The following FAM184B variants were observed in gnomAD, a reference collection of about 807,000 sequenced individuals.
FAM184B encodes protein FAM184B.
Under a neutral mutation model 135.9 loss-of-function variants are expected in FAM184B, and 111 were observed. That is an observed-to-expected ratio of 0.82 (90% CI 0.70 to 0.96). The LOEUF (loss-of-function observed/expected upper bound fraction) is 0.96, where lower values mean the gene tolerates loss of function less well. FAM184B is among the 40% of genes least tolerant of loss of function. The pLI is 0.00. For synonymous variants in FAM184B, 552 were observed against 524.8 expected (o/e 1.05, Z -0.71); for missense variants, 1,375 against 1,323.9 (o/e 1.04, Z -0.60).
At chr4:17,744,446 C>T (rs1056502094) in intron 1 of FAM184B, among the ~76,000 whole-genome samples, 1 of 148,142 alleles carries the variant, frequency 6.8e-6, no homozygotes, top group African/African-American at 2.5e-5. Flanking sequence ...ATGAGTCACT[C>T]ATTCTCTCTC....
intron 1 of FAM184B, among the ~76,000 whole-genome samples, chr4:17,720,202 C>T (rs948013241): frequency 5.3e-5 from 8 of 152,188 alleles, no homozygotes; most frequent in Admixed American, 3.9e-4. Flanking sequence ...GCCACCTGAA[C>T]GTCATACTCA....
intron 2 of FAM184B, among the ~76,000 whole-genome samples, chr4:17,708,529 C>T (rs1353142441): frequency 1.3e-5 from 2 of 150,870 alleles, no homozygotes; most frequent in African/African-American, 4.9e-5. Context: ...CTTGTATTCC[C>T]AGCTACTAGG....
At chr4:17,775,932 C>T (rs1338994589) in intron 1 of FAM184B, among the ~76,000 whole-genome samples, 1 of 152,116 alleles carries the variant, frequency 6.6e-6, no homozygotes, top group Admixed American at 6.6e-5. Flanking sequence ...ACTAAAAGTC[C>T]AGACTTCACT....
chr4:17,685,824 A>C (rs553106858), intron 7 of FAM184B, among the ~76,000 whole-genome samples: 59 of 152,266 alleles, frequency 3.9e-4, no homozygotes, highest in African/African-American at 1.3e-3. Context: ...AGAATTATCC[A>C]ACCCCAGAGT....
In FAM184B at chr4:17,705,846, T is replaced by C. The variant is rs779255784; in HGVS notation, c.1076A>G (p.Glu359Gly). The change falls in exon 4 of 18, where the codon GAA (glutamate) becomes GGA (glycine). Residue 359 changes from glutamate (E) to glycine (G), a missense_variant. Physicochemically the swap from Glu to Gly is moderately conservative, Grantham distance 98. Transcript: ENST00000265018. ...ATTGCCGGCTTCCAAGTCATTCTCT[T>C]CCCGCAGGACTTTGTTCTCTGAAAC... ...ELVSENKVLR[E>G]ENDLEAGNLH... 3.2e-6 allele frequency: 5 copies of C among 1,552,214 alleles called. No individual in the cohort carries two copies. The South Asian group carries it at 5.9e-5, about 18-fold the overall frequency.
intron 7 of FAM184B, among the ~76,000 whole-genome samples, chr4:17,678,991 A>G (rs1357796625): frequency 6.6e-6 from 1 of 152,212 alleles, no homozygotes; most frequent in Non-Finnish European, 1.5e-5. Flanking sequence ...GAAGAATGAA[A>G]CTGGATCCTA....
chr4:17,639,398 T>A lies in FAM184B; in HGVS notation c.2520-2A>T. Reference sequence around the variant, plus strand: ...GCTTGCTGAGTCTCCTCCAGGAACCTGTGGTGGATGAAAGCACAGCCAGGC... The same window carrying A: ...GCTTGCTGAGTCTCCTCCAGGAACCAGTGGTGGATGAAAGCACAGCCAGGC... On this transcript the variant is annotated splice_acceptor_variant, in intron 13 of 17. Transcript: ENST00000265018. LOFTEE classifies it high-confidence loss of function. The A allele has an allele frequency of 6.4e-7, 1 of 1,551,424 alleles. No individual in the cohort carries two copies.
chr4:17,643,204 T>G (rs28718820), intron 12 of FAM184B, among the ~76,000 whole-genome samples: 4,096 of 152,248 alleles, frequency 0.027, 178 homozygotes, highest in African/African-American at 0.093. Context: ...GTGGGAGAGA[T>G]ATGAGAATTA....
intron 8 of FAM184B, 68 bp from the exon 9 acceptor site, chr4:17,660,155 ACGTG>A: frequency 6.6e-7 from 1 of 1,519,190 alleles, no homozygotes; most frequent in South Asian, 1.2e-5. Context: ...CACTCCGATA[ACGTG>A]CCAGCCACTG....
rs1056550448 is a variant in FAM184B, at chr4:17,681,112, G to A, written c.1596+7312C>T. 5.8e-4 allele frequency among the ~76,000 whole-genome samples: 88 copies of A among 152,196 alleles called. 4 individuals are homozygous for A. ...TGTTCATTACCACAAGTCTCTGGGG[G>A]TATGAAGTGCAGGGATTATTGCCAC... On this transcript the variant is annotated intron_variant, in intron 7 of 17. Coordinates refer to ENST00000265018, the MANE Select transcript of FAM184B (RefSeq NM_015688.2).
chr4:17,654,950 C>T (rs1715747916), intron 10 of FAM184B, among the ~76,000 whole-genome samples: 1 of 152,176 alleles, frequency 6.6e-6, no homozygotes. Context: ...CTCCTGGGCC[C>T]AAGTCATCCT....
chr4:17,691,621 G>A (rs542289692), intron 6 of FAM184B, among the ~76,000 whole-genome samples: 5 of 151,514 alleles, frequency 3.3e-5, no homozygotes, highest in African/African-American at 1.2e-4. Flanking sequence ...AGGAGGTGGA[G>A]GTTGCAGTGA....
At chr4:17,735,187 G>A (rs1717878721) in intron 1 of FAM184B, among the ~76,000 whole-genome samples, 1 of 151,602 alleles carries the variant, frequency 6.6e-6, no homozygotes, top group African/African-American at 2.4e-5. Context: ...GTTGTGGGGT[G>A]GGGGGATGGG....
Position 17,636,668 on chromosome 4 carries a change from C to T in FAM184B, c.2667-23G>A, listed in dbSNP as rs746117803. 1.2e-5 allele frequency: 18 copies of T among 1,516,772 alleles called. No homozygotes were observed. The African/African-American group carries it at 1.4e-4, about 12-fold the overall frequency. The allele number at this position is 1,516,772 out of a possible 1,614,324, so 94.0% of individuals were successfully genotyped here. A position where few individuals can be genotyped will look rare whatever the true frequency, so the allele number is the denominator to read the frequency against. Reference sequence around the variant, plus strand: ...AGTCTGTTCCAAGCAGGCATGCAGTCAAGTCCCCCTTACAGCAATTACTCA... The same window carrying T: ...AGTCTGTTCCAAGCAGGCATGCAGTTAAGTCCCCCTTACAGCAATTACTCA... On this transcript the variant is annotated intron_variant, in intron 14 of 17. Coordinates refer to ENST00000265018, the MANE Select transcript of FAM184B (RefSeq NM_015688.2).
rs147546577 is a variant in FAM184B, at chr4:17,772,796, C to T, written c.141+8363G>A. Among the ~76,000 whole-genome samples, 259 of 152,318 alleles carry T rather than the reference C, an allele frequency of 1.7e-3. 3 individuals carry two copies. The highest frequency in any genetic ancestry group is 0.012 in the East Asian group (60 of 5,184). On this transcript the variant is annotated intron_variant, in intron 1 of 17. Transcript: ENST00000265018. ...GCTGAATTCCTGATGCTTATCCATC[C>T]GGTCACAATGCTAGGCCAGGGCAGT...
chr4:17,720,615 C>T (rs1457963001), intron 1 of FAM184B, among the ~76,000 whole-genome samples: 6 of 151,984 alleles, frequency 3.9e-5, no homozygotes, highest in South Asian at 4.1e-4. Context: ...GGGCGAGGCG[C>T]GGTGGCTCAT....
Position 17,639,344 on chromosome 4 carries a change from G to T in FAM184B, c.2572C>A (p.Arg858Ser). 1 of 1,551,742 alleles carries T rather than the reference G, an allele frequency of 6.4e-7. No homozygotes were observed. The highest frequency in any genetic ancestry group is 8.7e-7 in the Non-Finnish European group (1 of 1,147,014). Reference sequence around the variant, plus strand: ...TGCATCTCCTTCCGGTGTTCCTGGCGCAGTGTCTCCACCTCCCTGGCCCGC... The same window carrying T: ...TGCATCTCCTTCCGGTGTTCCTGGCTCAGTGTCTCCACCTCCCTGGCCCGC... Reference protein sequence around the residue: ...AQRAREVETLRQEHRKEMQAM... With the variant: ...AQRAREVETLSQEHRKEMQAM... The change falls in exon 14 of 18, where the codon CGC becomes AGC. Residue 858 changes from arginine (R) to serine (S), a missense_variant. Coordinates refer to ENST00000265018, the MANE Select transcript of FAM184B (RefSeq NM_015688.2).
rs1388565887 is a variant in FAM184B, at chr4:17,639,351, C to T, written c.2565G>A (p.Glu855=). The T allele has an allele frequency of 7.1e-6, 11 of 1,551,654 alleles. No individual in the cohort carries two copies. Among genetic ancestry groups the T allele is most frequent in the Admixed American group, 3.9e-5 (2 of 50,988 alleles). ...TQQAQRAREV[E]TLRQEHRKEM... ...CCTTCCGGTGTTCCTGGCGCAGTGTCTCCACCTCCCTGGCCCGCTGGGCTT... is the reference window on the plus strand; with the variant it reads ...CCTTCCGGTGTTCCTGGCGCAGTGTTTCCACCTCCCTGGCCCGCTGGGCTT... The change falls in exon 14 of 18, where the codon GAG becomes GAA. Residue 855 remains glutamate (E), a synonymous_variant. Transcript: ENST00000265018.
At chr4:17,728,946 A>C (rs1351509603) in intron 1 of FAM184B, among the ~76,000 whole-genome samples, 1 of 152,140 alleles carries the variant, frequency 6.6e-6, no homozygotes, top group Non-Finnish European at 1.5e-5. Flanking sequence ...AAGCAGGGCG[A>C]GGCATTGCCT....
Sources: gnomAD v4.1 joint callset for allele counts (sites outside exome capture counted in the v4.1 genomes callset) on GRCh38, gnomAD v4.1.1 for gene constraint, MANE v1.5 for transcripts, NCBI Gene and HGNC (gene_info 2026-07-23, HGNC 2026-07-21) for gene names.